SYNE2: variants seen among roughly 807,000 people sequenced by gnomAD.
The protein encoded by SYNE2 is nesprin-2.
Under a neutral mutation model 856.3 loss-of-function variants are expected in SYNE2, and 431 were observed. That is an observed-to-expected ratio of 0.50 (90% CI 0.47 to 0.55). The LOEUF (loss-of-function observed/expected upper bound fraction) is 0.55. SYNE2 is among the 20% of genes least tolerant of loss of function. The probability of loss-of-function intolerance (pLI) is 0.00; values close to 1 mark genes in which losing one functional copy is unlikely to be tolerated. For synonymous variants in SYNE2, 2,923 were observed against 2,872.3 expected, an observed-to-expected ratio of 1.02 and a Z score of -0.56; for missense variants, 8,129 against 8,023.2, an observed-to-expected ratio of 1.01 and a Z score of -0.50.
intron 57 of SYNE2, chr14:64,084,892 G>T (rs1005273112): frequency 1.4e-6 from 1 of 698,850 alleles, no homozygotes; most frequent in East Asian, 2.7e-5. Context: ...TTGTGTGAGG[G>T]AGGAGGTGGG....
intron 1 of SYNE2, among the ~76,000 whole-genome samples, chr14:63,818,570 A>G (rs142504856): frequency 1.3e-5 from 2 of 152,014 alleles, no homozygotes; most frequent in East Asian, 3.9e-4. Flanking sequence ...AATAAAATGG[A>G]TTTTCTCAAT....
intron 79 of SYNE2, among the ~76,000 whole-genome samples, chr14:64,138,946 G>GTATGGTGTGTGTGTGT (rs1465109787): frequency 7.1e-4 from 98 of 137,780 alleles, no homozygotes; most frequent in African/African-American, 2.6e-3. Context: ...GTGTATGTAT[G>GTATGGTGTGTGTGTGT]GTGTGTGTGT....
At chr14:64,218,548 G>C in intron 109 of SYNE2, 36 bp downstream of exon 109, 1 of 1,596,782 alleles carries the variant, frequency 6.3e-7, no homozygotes, top group East Asian at 2.2e-5. Context: ...CAGAGAGGCA[G>C]AGTATGGTAT....
At chr14:63,806,070 G>C (rs1413188524) in intron 1 of SYNE2, among the ~76,000 whole-genome samples, 1 of 152,106 alleles carries the variant, frequency 6.6e-6, no homozygotes, top group Admixed American at 6.6e-5. Context: ...TTCTCAAGGG[G>C]AATGCTTCCA....
Position 63,986,558 on chromosome 14 carries a change from G to A in SYNE2, c.2254G>A (p.Glu752Lys), listed in dbSNP as rs770729466. The A allele has an allele frequency of 1.4e-5, 22 of 1,614,058 alleles. No individual in the cohort carries two copies. Among genetic ancestry groups the A allele is most frequent in the Non-Finnish European group, 1.7e-5 (20 of 1,180,026 alleles). The change falls in exon 19 of 116, where the codon GAA becomes AAA. Residue 752 changes from glutamate (E) to lysine (K), a missense_variant. Transcript: ENST00000555002. The part of the protein sequence containing the change: ...LIGQVEIWEA[E>K]AKSVLDQDDV... ...TGGACAAGTGGAAATCTGGGAGGCAGAAGCCAAATCTGTTTTGGATCAAGA... is the reference window on the plus strand; with the variant it reads ...TGGACAAGTGGAAATCTGGGAGGCAAAAGCCAAATCTGTTTTGGATCAAGA...
intron 115 of SYNE2, 39 bp from the exon 116 acceptor site, chr14:64,225,280 G>A (rs762853098): frequency 1.2e-6 from 2 of 1,614,010 alleles, no homozygotes; most frequent in East Asian, 2.2e-5. Flanking sequence ...TTGTGCCTGT[G>A]GAGCCTCCCA....
chr14:63,802,616 C>T (rs530049535), intron 1 of SYNE2, among the ~76,000 whole-genome samples: 3 of 152,266 alleles, frequency 2.0e-5, no homozygotes, highest in East Asian at 3.9e-4. Flanking sequence ...ATTCTGTGCC[C>T]GGAATTGGTG....
intron 106 of SYNE2, 34 bp downstream of exon 106, chr14:64,214,504 AC>A: frequency 6.3e-7 from 1 of 1,587,866 alleles, no homozygotes; most frequent in African/African-American, 1.3e-5. Context: ...CTGGAAAGTG[AC>A]CCGTTTGGCT....
At position 64,065,508 on chromosome 14, in the gene SYNE2, G is replaced by C; in HGVS notation, c.10289G>C (p.Arg3430Thr). The change falls in exon 51 of 116, where the codon AGG becomes ACG. Residue 3430 changes from arginine (R) to threonine (T), a missense_variant. Physicochemically the swap from Arg to Thr is moderately conservative, Grantham distance 71. This residue lies in a region of SYNE2 where 5,410 missense variants were observed against 5,284.8 expected (regional missense o/e 1.02). Coordinates refer to ENST00000555002, the MANE Select transcript of SYNE2 (RefSeq NM_182914.3). ...LRQILRLLRL[R>T]CTENDGICLL... ...CAGATCCTTAGACTCTTGAGACTCA[G>C]GTGCACAGAAAATGATGGCATATGT... 6.2e-7 allele frequency: 1 copy of C among 1,614,094 alleles called. No individual in the cohort carries two copies. The highest frequency in any genetic ancestry group is 8.5e-7 in the Non-Finnish European group (1 of 1,180,026).
In SYNE2 at chr14:63,822,433, T is replaced by C. The variant is rs12435113; in HGVS notation, c.-304-30068T>C. 4.4e-3 allele frequency among the ~76,000 whole-genome samples: 671 copies of C among 152,294 alleles called. 17 individuals carry two copies. Among genetic ancestry groups the C allele is most frequent in the Admixed American group, 0.039 (593 of 15,280 alleles). ...TTATTTGACCTGAGTAGGCTCACTA[T>C]GTGTGACTAGCTTTATCCCTAGGGC... On this transcript the variant is annotated intron_variant, in intron 1 of 23. Transcript: ENST00000674003.
chr14:63,985,023 T>C (rs1320412785), intron 18 of SYNE2, among the ~76,000 whole-genome samples: 1 of 152,034 alleles, frequency 6.6e-6, no homozygotes, highest in Non-Finnish European at 1.5e-5. Context: ...AAAACAGTGA[T>C]CTGATTAAAA....
intron 1 of SYNE2, among the ~76,000 whole-genome samples, chr14:63,790,530 A>T (rs1253803424): frequency 6.6e-6 from 1 of 152,162 alleles, no homozygotes. Context: ...GTAATCAGAA[A>T]AAACAATACA....
Position 64,022,003 on chromosome 14 carries a change from A to G in SYNE2, c.5499A>G (p.Gln1833=), listed in dbSNP as rs373154121. 6 of 1,613,712 alleles carry G rather than the reference A, an allele frequency of 3.7e-6. No homozygotes were observed. Among genetic ancestry groups the G allele is most frequent in the Non-Finnish European group, 4.2e-6 (5 of 1,179,878 alleles). The change falls in exon 37 of 116, where the codon CAA becomes CAG. Residue 1833 remains glutamine, a synonymous_variant. Transcript: ENST00000555002. ...DLFNTKKSVL[Q]DHFSKLLNDQ... is the part of the protein sequence containing the mutation. ...TTAATACCAAAAAAAGTGTTTTGCA[A>G]GATCACTTTTCTAAGTTATTGAATG... is the stretch of plus-strand genomic sequence containing the variant.
At chr14:63,978,313 A>AT (rs529105880) in intron 13 of SYNE2, among the ~76,000 whole-genome samples, 109 of 152,208 alleles carry the variant, frequency 7.2e-4, no homozygotes, top group Non-Finnish European at 1.3e-3. Context: ...ACCTTTGTAA[A>AT]TTTAGGTTAA....
rs3813414 is a variant in SYNE2 at position 63,961,222 on chromosome 14, C to T, written c.788-303C>T. Among the ~76,000 whole-genome samples the T allele has an allele frequency of 1.1e-3, 162 of 152,326 alleles. 2 individuals are homozygous for T. In the East Asian group the frequency reaches 0.015, roughly 14 times the overall value. On this transcript the variant is annotated intron_variant, in intron 8 of 115. Coordinates refer to ENST00000555002, the MANE Select transcript of SYNE2 (RefSeq NM_182914.3). ...AATGCTTTATTTTCTCCTCTTCATC[C>T]TCTCTGACTACTTATGCCTTCAGAC...
At chr14:64,177,538 T>C in intron 96 of SYNE2, 55 bp downstream of exon 96, 1 of 1,610,328 alleles carries the variant, frequency 6.2e-7, no homozygotes, top group Non-Finnish European at 8.5e-7. Context: ...TTCTGAGTAC[T>C]TTGAAGTGCT....
intron 55 of SYNE2, among the ~76,000 whole-genome samples, chr14:64,079,976 T>G (rs1595375999): frequency 6.6e-6 from 1 of 152,206 alleles, no homozygotes; most frequent in African/African-American, 2.4e-5. Flanking sequence ...TGTGAGCCAC[T>G]GCACCCAGCC....
chr14:63,777,637 T>C (rs1199971417), intron 1 of SYNE2, among the ~76,000 whole-genome samples: 1 of 152,110 alleles, frequency 6.6e-6, no homozygotes, highest in African/African-American at 2.4e-5. Context: ...AATAGTGGAG[T>C]AGTTTGTATT....
chr14:63,909,359 C>T, intron 2 of SYNE2, 132 bp downstream of exon 2: 1 of 574,284 alleles, frequency 1.7e-6, no homozygotes, highest in South Asian at 2.5e-5. Context: ...CTGTAGAAAC[C>T]TTTTAATATA....
Sources: allele counts gnomAD v4.1 joint callset (sites outside exome capture counted in the v4.1 genomes callset), GRCh38; gene constraint gnomAD v4.1.1; regional missense constraint gnomAD v4.1.1; transcripts MANE v1.5; gene names NCBI Gene and HGNC (gene_info 2026-07-23, HGNC 2026-07-21).